The following KIAA1217 variants were observed in gnomAD, a reference collection of about 807,000 sequenced individuals.
The protein encoded by KIAA1217 is sickle tail protein homolog.
Under a neutral mutation model 163.9 loss-of-function variants are expected in KIAA1217, and 88 were observed. The observed-to-expected ratio is 0.54, with a 90% CI of 0.45 to 0.64. KIAA1217 has a LOEUF of 0.64. Ranked by LOEUF, KIAA1217 falls within the 30% of genes least tolerant of loss-of-function variation. The pLI is 0.00. For missense variants in KIAA1217, 2,372 were observed against 2,475.0 expected (o/e 0.96, Z 0.88); for synonymous variants, 903 against 923.1 (o/e 0.98, Z 0.39).
At chr10:24,484,237 A>ATTT (rs1458867482) in intron 6 of KIAA1217, among the ~76,000 whole-genome samples, 1 of 82,198 alleles carries the variant, frequency 1.2e-5, no homozygotes, top group Non-Finnish European at 2.5e-5. Flanking sequence ...ATATATATAT[A>ATTT]TATATTTTTT....
chr10:24,321,949 T>C lies in KIAA1217; in HGVS notation c.355-58920T>C, dbSNP rs983115125. On this transcript the variant is annotated intron_variant, in intron 2 of 20. Transcript: ENST00000376454. ...GGTGTATTTTACTGACATTTTATTT[T>C]ATTTTATTTTATTTTTTGAGACAGG... is the stretch of plus-strand genomic sequence containing the variant. 2.6e-5 allele frequency among the ~76,000 whole-genome samples: 4 copies of C among 152,172 alleles called. No individual in the cohort carries two copies. The East Asian group carries it at 7.7e-4, about 29-fold the overall frequency.
At chr10:23,856,447 G>C (rs1832309462) in intron 1 of KIAA1217, among the ~76,000 whole-genome samples, 1 of 152,222 alleles carries the variant, frequency 6.6e-6, no homozygotes, top group African/African-American at 2.4e-5. Context: ...CAGTTAGGCT[G>C]CTCGGGGGTC....
chr10:24,430,468 G>T (rs1345763957), intron 3 of KIAA1217, among the ~76,000 whole-genome samples: 1 of 152,148 alleles, frequency 6.6e-6, no homozygotes, highest in Middle Eastern at 3.2e-3. Flanking sequence ...ACAGGGTTAG[G>T]GGGAGATGGT....
intron 1 of KIAA1217, among the ~76,000 whole-genome samples, chr10:23,855,715 T>C (rs1839620648): frequency 1.3e-5 from 2 of 152,188 alleles, no homozygotes; most frequent in Admixed American, 6.5e-5. Context: ...TTGTTTCTTT[T>C]TATTCTTTTT....
intron 2 of KIAA1217, among the ~76,000 whole-genome samples, chr10:24,181,325 A>C (rs924036691): frequency 5.9e-5 from 9 of 152,184 alleles, no homozygotes; most frequent in African/African-American, 2.2e-4. Flanking sequence ...ACCTGGCTAG[A>C]TGAAGTGAGA....
At chr10:24,257,473 C>T (rs1295473148) in intron 2 of KIAA1217, among the ~76,000 whole-genome samples, 3 of 152,120 alleles carry the variant, frequency 2.0e-5, no homozygotes, top group African/African-American at 7.2e-5. Flanking sequence ...CTTTTAGATC[C>T]TGGATCAAAA....
intron 1 of KIAA1217, among the ~76,000 whole-genome samples, chr10:23,968,764 A>C (rs1845177143): frequency 6.6e-6 from 1 of 152,134 alleles, no homozygotes; most frequent in African/African-American, 2.4e-5. Context: ...ATTTTGCATC[A>C]TGTTTTCAGA....
In KIAA1217 at chr10:23,730,091, C is replaced by T. The variant is rs942301145; in HGVS notation, c.-321+34857C>T. On this transcript the variant is annotated intron_variant, in intron 1 of 18. Coordinates refer to the KIAA1217 transcript ENST00000376462. Reference sequence around the variant, plus strand: ...TAACTTTTTGTATTTTTAGTAGAGACGGGGTTTCACTGTGTTAGCCAGGTT... The same window carrying T: ...TAACTTTTTGTATTTTTAGTAGAGATGGGGTTTCACTGTGTTAGCCAGGTT... Among the ~76,000 whole-genome samples, 18 of 151,886 alleles carry T rather than the reference C, an allele frequency of 1.2e-4. No homozygotes were observed. The South Asian group carries it at 1.5e-3, about 12-fold the overall frequency.
chr10:24,150,944 C>G (rs1450678631), intron 2 of KIAA1217, among the ~76,000 whole-genome samples: 1 of 152,062 alleles, frequency 6.6e-6, no homozygotes, highest in East Asian at 1.9e-4. Context: ...CCAGTTCACA[C>G]CTGAAATGGA....
chr10:23,808,917 T>C (rs1329271244), intron 1 of KIAA1217, among the ~76,000 whole-genome samples: 1 of 152,052 alleles, frequency 6.6e-6, no homozygotes. Flanking sequence ...TTTATCAGCT[T>C]CCAGAGAGGA....
intron 2 of KIAA1217, among the ~76,000 whole-genome samples, chr10:24,284,650 C>G (rs758701867): frequency 1.3e-5 from 2 of 152,140 alleles, no homozygotes; most frequent in Non-Finnish European, 2.9e-5. Flanking sequence ...TAGGTTGATT[C>G]CATGTCTTTG....
intron 2 of KIAA1217, among the ~76,000 whole-genome samples, chr10:24,046,841 T>C (rs55639744): frequency 0.038 from 5,755 of 152,264 alleles, 368 homozygotes; most frequent in African/African-American, 0.13. Context: ...TTTTGAGCCT[T>C]GTACTTGCAC....
intron 1 of KIAA1217, among the ~76,000 whole-genome samples, chr10:23,720,141 C>T (rs890730224): frequency 3.3e-5 from 5 of 151,150 alleles, no homozygotes; most frequent in African/African-American, 9.7e-5. Flanking sequence ...TACTAAATGC[C>T]ACTGAATTGT....
At chr10:24,008,814 G>A (rs1316005773) in intron 2 of KIAA1217, among the ~76,000 whole-genome samples, 7 of 152,148 alleles carry the variant, frequency 4.6e-5, no homozygotes, top group Admixed American at 1.3e-4. Context: ...AGATGCTGCC[G>A]TAACACGAGG....
intron 2 of KIAA1217, among the ~76,000 whole-genome samples, chr10:24,143,118 G>A (rs1564749982): frequency 6.6e-6 from 1 of 152,154 alleles, no homozygotes; most frequent in Non-Finnish European, 1.5e-5. Flanking sequence ...AAGTGAAATA[G>A]ACAAAAGAGG....
At chr10:23,764,915 A>G (rs1405449762) in intron 1 of KIAA1217, among the ~76,000 whole-genome samples, 11 of 152,172 alleles carry the variant, frequency 7.2e-5, no homozygotes, top group Admixed American at 7.2e-4. Context: ...GTCACATAAT[A>G]TCAACATTCT....
intron 2 of KIAA1217, among the ~76,000 whole-genome samples, chr10:24,078,579 G>A (rs2061440435): frequency 6.6e-6 from 1 of 152,192 alleles, no homozygotes; most frequent in African/African-American, 2.4e-5. Flanking sequence ...TCTCCAAGCA[G>A]CTGTGTGACC....
chr10:24,372,179 T>C (rs2051755146), intron 2 of KIAA1217, among the ~76,000 whole-genome samples: 1 of 152,268 alleles, frequency 6.6e-6, no homozygotes, highest in African/African-American at 2.4e-5. Flanking sequence ...AGACAAGTAT[T>C]GCCAAGGAAG....
chr10:23,697,208 A>G (rs1836104077), intron 1 of KIAA1217, among the ~76,000 whole-genome samples: 1 of 152,198 alleles, frequency 6.6e-6, no homozygotes, highest in Non-Finnish European at 1.5e-5. Context: ...CTGTGTTGAT[A>G]ATAAGATGAT....
Sources: allele counts gnomAD v4.1 joint callset (sites outside exome capture counted in the v4.1 genomes callset), GRCh38; gene constraint gnomAD v4.1.1; transcripts MANE v1.5; gene names NCBI Gene and HGNC (gene_info 2026-07-23, HGNC 2026-07-21).